The following ETFDH variants were observed in gnomAD, a reference collection of about 807,000 sequenced individuals.
ETFDH encodes electron transfer flavoprotein dehydrogenase.
A neutral mutation model predicts 73.2 loss-of-function variants in ETFDH; 61 were observed. The ratio of observed to expected loss-of-function variants is 0.83; its 90% CI spans 0.68 to 1.03. ETFDH has a LOEUF of 1.03. Ranked by LOEUF, ETFDH falls within the 50% of genes least tolerant of loss-of-function variation. ETFDH has a pLI of 0.00. For synonymous variants in ETFDH, 243 were observed against 253.3 expected (o/e 0.96, Z 0.39); for missense variants, 685 against 745.0 (o/e 0.92, Z 0.94).
rs28609672 is a variant in ETFDH at position 158,691,039 on chromosome 4, T to A, written c.684+614T>A. Among the ~76,000 whole-genome samples, 408 of 152,326 alleles carry A rather than the reference T, an allele frequency of 2.7e-3. 1 individual carries two copies. The highest frequency in any genetic ancestry group is 9.5e-3 in the African/African-American group (393 of 41,576). On this transcript the variant is annotated intron_variant, in intron 6 of 12. Transcript: ENST00000511912. ...CAAGTAGTTATAATATGTTTAAAAA[T>A]TTTTTAAAAGATAATAACATACAAA...
chr4:158,672,546 GC>G, intron 1 of ETFDH, 56 bp downstream of exon 1: 1 of 1,565,352 alleles, frequency 6.4e-7, no homozygotes, highest in Middle Eastern at 1.7e-4. Flanking sequence ...AAGGGACAAG[GC>G]CGGTCCTGGG....
chr4:158,697,621 C>T lies in ETFDH; in HGVS notation c.894C>T (p.Pro298=). 6.2e-7 allele frequency: 1 copy of T among 1,612,908 alleles called. No homozygotes were observed. The highest frequency in any genetic ancestry group is 8.5e-7 in the Non-Finnish European group (1 of 1,179,382). Residue 298 remains proline (P), a synonymous_variant, in exon 8 of 13, where the codon CCC becomes CCT. Transcript: ENST00000511912. The stretch of plus-strand genomic sequence containing the variant: ...GAGTAGATCACACTGTTGGTTGGCC[C>T]TTGGACAGACATACCTATGGAGGAT... ...PGRVDHTVGW[P]LDRHTYGGSF...
intron 6 of ETFDH, among the ~76,000 whole-genome samples, chr4:158,693,700 C>G (rs1277282522): frequency 6.6e-6 from 1 of 152,024 alleles, no homozygotes; most frequent in Non-Finnish European, 1.5e-5. Flanking sequence ...GTAGGGTAAG[C>G]CACCCTACCG....
At position 158,695,529 on chromosome 4, in the gene ETFDH, T is replaced by C. The variant is rs1427484154; in HGVS notation, c.717T>C (p.Ala239=). ...ATFERGLELH[A]KVTIFAEGCH... ...TTGAGAGAGGACTGGAACTACATGC[T>C]AAAGTCACAATTTTTGCAGAAGGTT... The change falls in exon 7 of 13, where the codon GCT becomes GCC. Residue 239 remains alanine (A), a synonymous_variant. Transcript: ENST00000511912. The C allele has an allele frequency of 1.2e-6, 2 of 1,613,254 alleles. No individual in the cohort carries two copies. The highest frequency in any genetic ancestry group is 2.2e-5 in the East Asian group (1 of 44,820).
intron 5 of ETFDH, among the ~76,000 whole-genome samples, chr4:158,689,079 G>A (rs534590831): frequency 3.3e-5 from 5 of 152,080 alleles, no homozygotes; most frequent in Non-Finnish European, 7.4e-5. Flanking sequence ...TAAAAAGACT[G>A]CCATGTATCT....
At chr4:158,674,279 T>C (rs1773659414) in intron 1 of ETFDH, among the ~76,000 whole-genome samples, 1 of 152,168 alleles carries the variant, frequency 6.6e-6, no homozygotes, top group Non-Finnish European at 1.5e-5. Context: ...TATCTAAGGC[T>C]TAAAAAGTGT....
intron 5 of ETFDH, 90 bp downstream of exon 5, chr4:158,685,309 T>C (rs1773977667): frequency 5.2e-6 from 4 of 770,898 alleles, no homozygotes; most frequent in Non-Finnish European, 9.1e-6. Context: ...AAATAAATAT[T>C]TTTTAAAAGC....
intron 9 of ETFDH, among the ~76,000 whole-genome samples, chr4:158,700,512 A>G (rs1774429956): frequency 6.6e-6 from 1 of 150,814 alleles, no homozygotes; most frequent in Admixed American, 6.6e-5. Context: ...CAAACATGTC[A>G]AATGATTTGC....
chr4:158,688,270 T>A (rs1460053904), intron 5 of ETFDH, among the ~76,000 whole-genome samples: 1 of 150,616 alleles, frequency 6.6e-6, no homozygotes, highest in African/African-American at 2.5e-5. Flanking sequence ...CAGGCGCCTG[T>A]AGTCCCATCT....
rs1773598027 is a variant in ETFDH at position 158,672,486 on chromosome 4, C to G, written c.30C>G (p.Cys10Trp). 6.2e-7 allele frequency: 1 copy of G among 1,614,092 alleles called. No homozygotes were observed. MLVPLAKLS[C>W]LAYQCFHALK... ...TGGTGCCGCTAGCCAAGCTGTCCTG[C>G]CTGGGTGAGAGGAAACGGGCGGTGG... Residue 10 changes from cysteine to tryptophan, a missense_variant, in exon 1 of 13, where the codon TGC (cysteine) becomes TGG (tryptophan). Around this residue, in one of 3 missense-constraint regions of ETFDH, gnomAD observed 405 missense variants for 399.3 expected, o/e 1.01. Coordinates refer to ENST00000511912, the MANE Select transcript of ETFDH (RefSeq NM_004453.4).
chr4:158,703,344 T>G (rs760759727), intron 9 of ETFDH, 79 bp from the exon 10 acceptor site: 1 of 1,007,892 alleles, frequency 9.9e-7, no homozygotes, highest in Non-Finnish European at 1.6e-6. Context: ...TCTAGAATAC[T>G]TTAAGACTGA....
Position 158,696,246 on chromosome 4 carries a change from C to G in ETFDH, c.831+603C>G, listed in dbSNP as rs193024021. ...TGGAGCTAGCAATGGTGGCCCACAC[C>G]CATAACCCCAGCATTTTGAGAGGCC... On this transcript the variant is annotated intron_variant, in intron 7 of 12. Transcript: ENST00000511912. Among the ~76,000 whole-genome samples, 6 of 152,158 alleles carry G rather than the reference C, an allele frequency of 3.9e-5. No homozygotes were observed. In the East Asian group the frequency reaches 1.2e-3, roughly 29 times the overall value.
intron 5 of ETFDH, among the ~76,000 whole-genome samples, chr4:158,687,339 G>A (rs1774031581): frequency 1.3e-5 from 2 of 152,264 alleles, no homozygotes; most frequent in South Asian, 2.1e-4. Flanking sequence ...GGCCAGGGAA[G>A]GTCAGAGAGA....
chr4:158,673,225 AC>A (rs1773624841), intron 1 of ETFDH, among the ~76,000 whole-genome samples: 2 of 152,124 alleles, frequency 1.3e-5, no homozygotes, highest in African/African-American at 4.8e-5. Context: ...AATCACTTGA[AC>A]CCGGAGGTGG....
chr4:158,706,271 G>C lies in ETFDH; in HGVS notation c.1368G>C (p.Pro456=). The part of the protein sequence containing the change: ...KELYSVRNIR[P]SCHGVLGVYG... Reference sequence around the variant, plus strand: ...TATATTCTGTTAGAAATATAAGACCGTCCTGCCACGGAGTACTGGGTGTAT... The same window carrying C: ...TATATTCTGTTAGAAATATAAGACCCTCCTGCCACGGAGTACTGGGTGTAT... The change falls in exon 11 of 13, where the codon CCG becomes CCC. Residue 456 remains proline (P), a synonymous_variant. Transcript: ENST00000511912. The C allele has an allele frequency of 6.2e-7, 1 of 1,611,306 alleles. No individual in the cohort carries two copies. The highest frequency in any genetic ancestry group is 8.5e-7 in the Non-Finnish European group (1 of 1,177,446).
chr4:158,705,049 G>A lies in ETFDH; in HGVS notation c.1286-1140G>A, dbSNP rs182063028. Among the ~76,000 whole-genome samples, 173 of 152,222 alleles carry A rather than the reference G, an allele frequency of 1.1e-3. 1 individual carries two copies. Among genetic ancestry groups the A allele is most frequent in the African/African-American group, 4.1e-3 (169 of 41,530 alleles). ...AGTATATCACCAAAGACTAGATTGA[G>A]GGTTAAAGCCTAAAGAAAAGGGGAG... On this transcript the variant is annotated intron_variant, in intron 10 of 12. Coordinates refer to ENST00000511912, the MANE Select transcript of ETFDH (RefSeq NM_004453.4).
intron 1 of ETFDH, among the ~76,000 whole-genome samples, chr4:158,678,678 G>T (rs1389735903): frequency 6.7e-6 from 1 of 148,964 alleles, no homozygotes; most frequent in African/African-American, 2.5e-5. Flanking sequence ...TTGAGACAAG[G>T]TGCTTGTTGC....
At chr4:158,690,472 G>C in intron 6 of ETFDH, 47 bp downstream of exon 6, 1 of 1,098,700 alleles carries the variant, frequency 9.1e-7, no homozygotes, top group Non-Finnish European at 1.4e-6. Flanking sequence ...ACAAACAACA[G>C]AAAGAACTGT....
chr4:158,677,071 T>G (rs1561235365), intron 1 of ETFDH, among the ~76,000 whole-genome samples: 1 of 152,244 alleles, frequency 6.6e-6, no homozygotes, highest in Non-Finnish European at 1.5e-5. Flanking sequence ...AAGTGCAGTT[T>G]AACTGTATTT....
Sources: allele counts gnomAD v4.1 joint callset (sites outside exome capture counted in the v4.1 genomes callset), GRCh38; gene constraint gnomAD v4.1.1; regional missense constraint gnomAD v4.1.1; transcripts MANE v1.5; gene names NCBI Gene and HGNC (gene_info 2026-07-23, HGNC 2026-07-21).